The following IGSF21 variants were observed in gnomAD, a reference collection of about 807,000 sequenced individuals.
The protein encoded by IGSF21 is immunoglobin superfamily member 21, also known as immunoglobulin superfamily member 21.
Under a neutral mutation model 46.8 loss-of-function variants are expected in IGSF21, and 28 were observed. That is an observed-to-expected ratio of 0.60 (90% confidence interval 0.44 to 0.82). The LOEUF (loss-of-function observed/expected upper bound fraction) is 0.82, where lower values mean the gene tolerates loss of function less well. Among genes scored for constraint, IGSF21 ranks in the 40% least tolerant of loss-of-function variants. The pLI is 0.00. For missense variants in IGSF21, 624 were observed against 665.5 expected (o/e 0.94, Z 0.69); for synonymous variants, 284 against 273.6 (o/e 1.04, Z -0.38).
intron 3 of IGSF21, among the ~76,000 whole-genome samples, chr1:18,311,949 C>G (rs1022390189): frequency 6.6e-6 from 1 of 152,170 alleles, no homozygotes; most frequent in Non-Finnish European, 1.5e-5. Context: ...AATATCAGCT[C>G]CCTCCTCTGG....
chr1:18,248,940 G>A (rs375767978), intron 2 of IGSF21, among the ~76,000 whole-genome samples: 10 of 152,076 alleles, frequency 6.6e-5, no homozygotes, highest in Admixed American at 2.6e-4. Flanking sequence ...GGTTGGCTTC[G>A]CAGGGGAAGA....
chr1:18,144,149 C>T (rs566633142), intron 1 of IGSF21, among the ~76,000 whole-genome samples: 3 of 152,294 alleles, frequency 2.0e-5, no homozygotes, highest in East Asian at 3.9e-4. Context: ...GTGGTCCTCT[C>T]GGGGAGGAGG....
intron 3 of IGSF21, among the ~76,000 whole-genome samples, chr1:18,325,883 C>T (rs967363885): frequency 2.0e-5 from 3 of 152,158 alleles, no homozygotes; most frequent in Non-Finnish European, 4.4e-5. Flanking sequence ...TGAGGGCAGC[C>T]GGGGATAGGC....
chr1:18,240,731 G>A (rs978964004), intron 2 of IGSF21, among the ~76,000 whole-genome samples: 1 of 152,218 alleles, frequency 6.6e-6, no homozygotes, highest in Non-Finnish European at 1.5e-5. Context: ...TGGATGGGCT[G>A]TCTTAAGGAC....
Position 18,320,542 on chromosome 1 carries a change from G to C in IGSF21, c.306-14350G>C, listed in dbSNP as rs150219941. Among the ~76,000 whole-genome samples, 300 of 152,058 alleles carry C rather than the reference G, an allele frequency of 2.0e-3. 2 individuals are homozygous for C. Among genetic ancestry groups the C allele is most frequent in the African/African-American group, 6.8e-3 (283 of 41,328 alleles). On this transcript the variant is annotated intron_variant, in intron 3 of 9. Coordinates refer to ENST00000251296, the MANE Select transcript of IGSF21 (RefSeq NM_032880.5). ...CCCGGGTCATCCATCAGCTGACCTG[G>C]TTGGGAAAGGCCTCCTGTGGGGGCC...
intron 2 of IGSF21, among the ~76,000 whole-genome samples, chr1:18,270,297 T>C (rs1486651018): frequency 6.6e-6 from 1 of 152,206 alleles, no homozygotes; most frequent in Non-Finnish European, 1.5e-5. Flanking sequence ...TGAGATTTTC[T>C]TCCCACTCTC....
chr1:18,122,818 G>T (rs921959047), intron 1 of IGSF21, among the ~76,000 whole-genome samples: 4 of 151,682 alleles, frequency 2.6e-5, no homozygotes, highest in Non-Finnish European at 2.9e-5. Flanking sequence ...GTAGAAATGG[G>T]GTTTCACCAT....
intron 3 of IGSF21, among the ~76,000 whole-genome samples, chr1:18,318,430 T>C (rs1391028104): frequency 1.3e-5 from 2 of 151,928 alleles, no homozygotes; most frequent in Non-Finnish European, 2.9e-5. Flanking sequence ...AGGCCTTGTC[T>C]CCACTGATAG....
chr1:18,304,708 T>TACACAC (rs931235898), intron 3 of IGSF21, among the ~76,000 whole-genome samples: 35 of 63,336 alleles, frequency 5.5e-4, no homozygotes, highest in African/African-American at 2.6e-3. Flanking sequence ...CACACACACA[T>TACACAC]ACACACACAC....
chr1:18,150,808 A>G (rs1002931410), intron 1 of IGSF21, among the ~76,000 whole-genome samples: 1 of 152,180 alleles, frequency 6.6e-6, no homozygotes, highest in Non-Finnish European at 1.5e-5. Context: ...CCCCTCACCA[A>G]GGTCTCTCTG....
chr1:18,292,183 G>A (rs1379425267), intron 3 of IGSF21, among the ~76,000 whole-genome samples, 196 bp downstream of exon 3: 1 of 152,212 alleles, frequency 6.6e-6, no homozygotes, highest in Admixed American at 6.5e-5. Flanking sequence ...AGGCAGGAGA[G>A]GGCCAGGCCA....
intron 1 of IGSF21, among the ~76,000 whole-genome samples, chr1:18,181,500 C>T (rs924018800): frequency 2.0e-5 from 3 of 152,174 alleles, no homozygotes; most frequent in African/African-American, 7.2e-5. Flanking sequence ...ATGCTTCTGG[C>T]AGGGAGCAGG....
At chr1:18,264,929 C>T (rs1015678114) in intron 2 of IGSF21, among the ~76,000 whole-genome samples, 48 of 152,182 alleles carry the variant, frequency 3.2e-4, no homozygotes, top group African/African-American at 1.2e-3. Context: ...AGGCTCAGGG[C>T]CACCACACCG....
intron 4 of IGSF21, among the ~76,000 whole-genome samples, chr1:18,359,383 A>AAAGAAAGAATGGAAGGAAGGAAGG (rs1557659626): frequency 4.9e-5 from 3 of 61,030 alleles, no homozygotes; most frequent in Admixed American, 1.9e-4. Flanking sequence ...AGAAAGAAAG[A>AAAGAAAGAATGGAAGGAAGGAAGG]AAGGAAGGAA....
intron 2 of IGSF21, among the ~76,000 whole-genome samples, chr1:18,273,039 CTTTT>C (rs760448516): frequency 7.4e-5 from 6 of 80,722 alleles, no homozygotes; most frequent in Non-Finnish European, 1.4e-4. Flanking sequence ...CCAGACGGAT[CTTTT>C]TTTTTTTTTT....
chr1:18,373,509 G>A (rs1160197839), intron 6 of IGSF21, among the ~76,000 whole-genome samples: 2 of 152,168 alleles, frequency 1.3e-5, no homozygotes, highest in African/African-American at 4.8e-5. Flanking sequence ...GAGGGAGTCA[G>A]GGACCATCGG....
chr1:18,291,077 CTT>C (rs1331321440), intron 2 of IGSF21, among the ~76,000 whole-genome samples: 1 of 152,216 alleles, frequency 6.6e-6, no homozygotes, highest in East Asian at 1.9e-4. Flanking sequence ...TGGAGTAACA[CTT>C]TCATTAGCTG....
chr1:18,372,515 AGGATGGATGGAT>A (rs55650912), intron 6 of IGSF21, among the ~76,000 whole-genome samples: 13 of 139,936 alleles, frequency 9.3e-5, no homozygotes, highest in South Asian at 2.4e-4. Flanking sequence ...GATGGATGGA[AGGATGGATGGAT>A]GGATGGATGG....
At chr1:18,205,072 G>A (rs982829588) in intron 1 of IGSF21, among the ~76,000 whole-genome samples, 6 of 151,810 alleles carry the variant, frequency 4.0e-5, no homozygotes, top group Non-Finnish European at 7.4e-5. Flanking sequence ...AGATGCAAAG[G>A]CCACAGAGTC....
Sources: gnomAD v4.1 joint callset for allele counts (sites outside exome capture counted in the v4.1 genomes callset) on GRCh38, gnomAD v4.1.1 for gene constraint, MANE v1.5 for transcripts, NCBI Gene and HGNC (gene_info 2026-07-23, HGNC 2026-07-21) for gene names.